The following LARP4B variants were observed in gnomAD, a reference collection of about 807,000 sequenced individuals.
The protein encoded by LARP4B is La ribonucleoprotein 4B.
LARP4B carries 12 observed loss-of-function variants against 89.8 expected under a neutral mutation model. That is an observed-to-expected ratio of 0.13 (90% confidence interval 0.09 to 0.22). LARP4B has a LOEUF of 0.22. LARP4B is among the 10% of genes least tolerant of loss of function. The pLI, the probability that LARP4B is intolerant of heterozygous loss-of-function variation, is 1.00. For missense variants in LARP4B, 757 were observed against 947.7 expected, an observed-to-expected ratio of 0.80 and a Z score of 2.64; for synonymous variants, 367 against 363.3, an observed-to-expected ratio of 1.01 and a Z score of -0.12.
At chr10:907,232 A>G (rs1836518055) in intron 1 of LARP4B, among the ~76,000 whole-genome samples, 1 of 152,258 alleles carries the variant, frequency 6.6e-6, no homozygotes, top group Non-Finnish European at 1.5e-5. Flanking sequence ...GTAAAATCTC[A>G]GTAAATACAT....
chr10:975,987 TCACG>T, the LARP4B span, among the ~76,000 whole-genome samples: 1 of 127,218 alleles, frequency 7.9e-6, no homozygotes, highest in African/African-American at 3.0e-5. Context: ...GGTAGGCCTG[TCACG>T]TAATGTGTGG....
At chr10:987,148 G>C in the LARP4B span, 1 of 152,234 alleles carries the variant, frequency 6.6e-6, no homozygotes, top group African/African-American at 2.4e-5. Context: ...ATGGTGGCCA[G>C]AACTGTCCTG....
intron 5 of LARP4B, among the ~76,000 whole-genome samples, chr10:849,947 AAG>A (rs1247499888): frequency 6.6e-6 from 1 of 152,252 alleles, no homozygotes; most frequent in Non-Finnish European, 1.5e-5. Context: ...TGTTACAGCC[AAG>A]AGGAGCCTAA....
At chr10:937,681 C>T in the LARP4B span, among the ~76,000 whole-genome samples, 7 of 151,956 alleles carry the variant, frequency 4.6e-5, no homozygotes, top group Non-Finnish European at 8.8e-5. Flanking sequence ...CAGACAAACT[C>T]GAAGGACATT....
chr10:851,990 C>T lies in LARP4B; in HGVS notation c.431-6935G>A, dbSNP rs148385058. 5.3e-5 allele frequency among the ~76,000 whole-genome samples: 8 copies of T among 152,078 alleles called. No individual in the cohort carries two copies. In the East Asian group the frequency reaches 9.7e-4, roughly 18 times the overall value. On this transcript the variant is annotated intron_variant, in intron 5 of 17. Transcript: ENST00000316157. The stretch of plus-strand genomic sequence containing the variant: ...CTAAGGCGGGAGAATCGCCTGAGAC[C>T]GGGAGGTTGGGACTGAGTGAGCCAT...
chr10:922,954 A>G (rs1267748039), intron 1 of LARP4B, among the ~76,000 whole-genome samples: 1 of 152,184 alleles, frequency 6.6e-6, no homozygotes, highest in African/African-American at 2.4e-5. Context: ...ACACGCCTGC[A>G]GTCCCAGTTA....
chr10:815,301 C>T (rs907978819), intron 15 of LARP4B: 15 of 364,194 alleles, frequency 4.1e-5, no homozygotes, highest in African/African-American at 2.5e-4. Flanking sequence ...ATCACAGGCC[C>T]TTATCTCCTC....
At chr10:856,089 A>G (rs1452716076) in intron 5 of LARP4B, among the ~76,000 whole-genome samples, 1 of 152,254 alleles carries the variant, frequency 6.6e-6, no homozygotes, top group Admixed American at 6.5e-5. Context: ...CTAGAAATGT[A>G]AAATCTAAAG....
chr10:975,340 T>C, the LARP4B span, among the ~76,000 whole-genome samples: 1 of 152,208 alleles, frequency 6.6e-6, no homozygotes, highest in Non-Finnish European at 1.5e-5. Context: ...TATTTACTAA[T>C]GTCCCCACGT....
the LARP4B span, among the ~76,000 whole-genome samples, chr10:984,881 A>G: frequency 1.3e-5 from 2 of 152,310 alleles, no homozygotes; most frequent in East Asian, 3.9e-4. Flanking sequence ...GCAGTGAGCC[A>G]AGATCACACC....
At chr10:914,077 A>C (rs1400027346) in intron 1 of LARP4B, among the ~76,000 whole-genome samples, 1 of 152,230 alleles carries the variant, frequency 6.6e-6, no homozygotes, top group Non-Finnish European at 1.5e-5. Flanking sequence ...GGGTACAGAA[A>C]AGTTAAATAT....
At chr10:886,052 T>C (rs1301601059) in intron 1 of LARP4B, among the ~76,000 whole-genome samples, 4 of 152,020 alleles carry the variant, frequency 2.6e-5, no homozygotes, top group Non-Finnish European at 5.9e-5. Context: ...TCAAGTCTTT[T>C]AAAAAACAGA....
At chr10:923,109 C>T (rs983543537) in intron 1 of LARP4B, among the ~76,000 whole-genome samples, 1 of 152,012 alleles carries the variant, frequency 6.6e-6, no homozygotes, top group Non-Finnish European at 1.5e-5. Context: ...CAGAAGTCCA[C>T]CCAAAAAGAC....
At chr10:963,875 TCAAA>T in the LARP4B span, among the ~76,000 whole-genome samples, 1 of 152,200 alleles carries the variant, frequency 6.6e-6, no homozygotes, top group Non-Finnish European at 1.5e-5. Flanking sequence ...CCCTTGTGAC[TCAAA>T]CAACCCCCAT....
chr10:831,276 CTTTTTTTT>C lies in LARP4B; in HGVS notation c.751-307_751-300del, dbSNP rs76857973. ...ATGTTCTGGGCTGATAACTGCACAA[CTTTTTTTT>C]TTTTTTTTTTTTTAAAGGCAATTTA... On this transcript the variant is annotated intron_variant, in intron 8 of 17. Transcript: ENST00000316157. 7.4e-5 allele frequency among the ~76,000 whole-genome samples: 9 copies of C among 121,926 alleles called. No individual in the cohort carries two copies. In the East Asian group the frequency reaches 1.2e-3, roughly 17 times the overall value. 80.0% of individuals were successfully genotyped at this position (121,926 alleles called of 152,430 possible).
chr10:958,165 G>T, the LARP4B span, among the ~76,000 whole-genome samples: 3 of 152,112 alleles, frequency 2.0e-5, no homozygotes, highest in South Asian at 6.2e-4. Flanking sequence ...ACTTGGATTT[G>T]CTCAACATCC....
intron 5 of LARP4B, among the ~76,000 whole-genome samples, chr10:857,850 C>T (rs979364531): frequency 6.6e-6 from 1 of 152,180 alleles, no homozygotes; most frequent in Non-Finnish European, 1.5e-5. Context: ...TTCTAAATGT[C>T]AATGGCCAAA....
chr10:838,090 T>A (rs1833324146), intron 7 of LARP4B, among the ~76,000 whole-genome samples: 1 of 152,216 alleles, frequency 6.6e-6, no homozygotes, highest in African/African-American at 2.4e-5. Context: ...GACATCCACA[T>A]GCAGAAAATT....
chr10:878,157 G>A (rs1835529214), intron 3 of LARP4B, among the ~76,000 whole-genome samples: 2 of 152,216 alleles, frequency 1.3e-5, no homozygotes, highest in South Asian at 4.1e-4. Context: ...GAGAGCCAGT[G>A]GGCAGCAGAG....
Sources: allele counts gnomAD v4.1 joint callset (sites outside exome capture counted in the v4.1 genomes callset), GRCh38; gene constraint gnomAD v4.1.1; transcripts MANE v1.5; gene names NCBI Gene and HGNC (gene_info 2026-07-23, HGNC 2026-07-21).